The following LOC128092252 variants were observed in gnomAD, a reference collection of about 807,000 sequenced individuals.
the LOC128092252 span, among the ~76,000 whole-genome samples, chr15:50,672,059 T>C: frequency 6.8e-6 from 1 of 147,984 alleles, no homozygotes; most frequent in Non-Finnish European, 1.5e-5. Flanking sequence ...TTGGTTGGTT[T>C]TTGTTTTTGT....
the LOC128092252 span, among the ~76,000 whole-genome samples, chr15:50,661,133 C>A: frequency 6.6e-6 from 1 of 152,016 alleles, no homozygotes; most frequent in Admixed American, 6.6e-5. Context: ...CCCACTACCA[C>A]GTCTGGCTAA....
At chr15:50,676,297 A>G in the LOC128092252 span, among the ~76,000 whole-genome samples, 1 of 152,218 alleles carries the variant, frequency 6.6e-6, no homozygotes, top group African/African-American at 2.4e-5. Context: ...AACATGTGGA[A>G]ATCAAATTTT....
chr15:50,654,992 C>A, the LOC128092252 span, among the ~76,000 whole-genome samples: 3 of 125,672 alleles, frequency 2.4e-5, no homozygotes, highest in Non-Finnish European at 5.0e-5. Context: ...CAGAGTGACA[C>A]TCCGTCTCAA....
the LOC128092252 span, chr15:50,648,965 G>C: frequency 3.7e-6 from 4 of 1,073,702 alleles, no homozygotes; most frequent in Non-Finnish European, 5.2e-6. Context: ...TGAATGAACC[G>C]ACAAATATAA....
chr15:50,659,369 T>C, the LOC128092252 span, among the ~76,000 whole-genome samples: 1 of 152,150 alleles, frequency 6.6e-6, no homozygotes, highest in African/African-American at 2.4e-5. Context: ...GATTTTTTAT[T>C]AGCAAGGTAA....
chr15:50,652,007 C>T, the LOC128092252 span, among the ~76,000 whole-genome samples: 1 of 151,862 alleles, frequency 6.6e-6, no homozygotes, highest in Non-Finnish European at 1.5e-5. Flanking sequence ...GCAAATTAAA[C>T]TCAAAGTAAG....
chr15:50,663,015 G>T, the LOC128092252 span: 5 of 1,613,728 alleles, frequency 3.1e-6, no homozygotes, highest in East Asian at 1.1e-4. Flanking sequence ...TTCCCTCTTG[G>T]TCAAAGTGCT....
the LOC128092252 span, among the ~76,000 whole-genome samples, chr15:50,666,534 T>C: frequency 6.6e-6 from 1 of 151,804 alleles, no homozygotes; most frequent in Non-Finnish European, 1.5e-5. Flanking sequence ...CCGGGTGCAG[T>C]GGCTTATACC....
chr15:50,686,656 C>G, the LOC128092252 span: 1 of 1,379,028 alleles, frequency 7.3e-7, no homozygotes, highest in South Asian at 1.4e-5. Flanking sequence ...AAGGAACGCC[C>G]AGGGAAACCT....
the LOC128092252 span, among the ~76,000 whole-genome samples, chr15:50,686,179 A>G: frequency 6.6e-6 from 1 of 152,082 alleles, no homozygotes; most frequent in African/African-American, 2.4e-5. Context: ...GGAGATGCGG[A>G]GCTTGTAGGC....
At chr15:50,663,877 C>A in the LOC128092252 span, among the ~76,000 whole-genome samples, 1 of 152,064 alleles carries the variant, frequency 6.6e-6, no homozygotes, top group African/African-American at 2.4e-5. Flanking sequence ...GCAGGAGGAT[C>A]GCCTAAGCCG....
chr15:50,671,301 C>T, the LOC128092252 span, among the ~76,000 whole-genome samples: 1 of 152,062 alleles, frequency 6.6e-6, no homozygotes, highest in African/African-American at 2.4e-5. Context: ...GAAGTGAGAC[C>T]ATGTAGTATC....
At chr15:50,652,698 C>T in the LOC128092252 span, among the ~76,000 whole-genome samples, 1 of 152,004 alleles carries the variant, frequency 6.6e-6, no homozygotes, top group Non-Finnish European at 1.5e-5. Flanking sequence ...TGAGGTGAGA[C>T]TCATTCTGCT....
chr15:50,654,051 C>T, the LOC128092252 span, among the ~76,000 whole-genome samples: 2 of 152,096 alleles, frequency 1.3e-5, no homozygotes, highest in African/African-American at 4.8e-5. Flanking sequence ...AAAATCAAAC[C>T]TGAATGGACA....
At chr15:50,652,639 G>A in the LOC128092252 span, among the ~76,000 whole-genome samples, 1 of 118,884 alleles carries the variant, frequency 8.4e-6, no homozygotes, top group Non-Finnish European at 1.8e-5. Context: ...TTCTACATAC[G>A]TTCTTCCAAA....
the LOC128092252 span, among the ~76,000 whole-genome samples, chr15:50,659,091 G>A: frequency 2.0e-5 from 3 of 152,014 alleles, no homozygotes; most frequent in Non-Finnish European, 2.9e-5. Context: ...CCAGCTACTC[G>A]GGAGGCTGAG....
At chr15:50,675,757 A>G in the LOC128092252 span, among the ~76,000 whole-genome samples, 2 of 152,224 alleles carry the variant, frequency 1.3e-5, no homozygotes, top group Non-Finnish European at 2.9e-5. Context: ...CACAAATCTG[A>G]AAATTCCTAA....
the LOC128092252 span, among the ~76,000 whole-genome samples, chr15:50,682,372 G>T: frequency 6.6e-6 from 1 of 151,768 alleles, no homozygotes; most frequent in South Asian, 2.1e-4. Context: ...GAGGTCAAGA[G>T]ATCGAGACCA....
chr15:50,672,143 T>C, the LOC128092252 span, among the ~76,000 whole-genome samples: 3,079 of 152,154 alleles, frequency 0.02, 122 homozygotes, highest in African/African-American at 0.071. Context: ...CAAGCTCATC[T>C]CCCGGGTTCA....
Sources: gnomAD v4.1 joint callset for allele counts (sites outside exome capture counted in the v4.1 genomes callset) on GRCh38, gnomAD v4.1.1 for gene constraint, MANE v1.5 for transcripts.